NEK11: variants seen among roughly 807,000 people sequenced by gnomAD.
The protein encoded by NEK11 is NIMA related kinase 11.
NEK11 carries 72 observed loss-of-function variants against 80.7 expected under a neutral mutation model. The observed-to-expected ratio is 0.89, with a 90% CI of 0.74 to 1.08. NEK11 has a LOEUF of 1.08. Among genes scored for constraint, NEK11 ranks in the 50% least tolerant of loss-of-function variants. The probability of loss-of-function intolerance (pLI) is 0.00; values close to 1 mark genes in which losing one functional copy is unlikely to be tolerated. For missense variants in NEK11, 764 were observed against 763.6 expected, an observed-to-expected ratio of 1.00 and a Z score of -0.01; for synonymous variants, 251 against 260.7, an observed-to-expected ratio of 0.96 and a Z score of 0.36.
At chr3:131,348,527 T>C (rs2110580104) in intron 17 of NEK11, among the ~76,000 whole-genome samples, 1 of 151,658 alleles carries the variant, frequency 6.6e-6, no homozygotes, top group South Asian at 2.1e-4. Context: ...CATAAAGACA[T>C]TCACATTAAA....
At chr3:131,296,932 A>G (rs1406906492) in intron 17 of NEK11, among the ~76,000 whole-genome samples, 1 of 151,040 alleles carries the variant, frequency 6.6e-6, no homozygotes, top group East Asian at 1.9e-4. Context: ...TGTTCTTGCG[A>G]TAGTTTACTG....
intron 12 of NEK11, among the ~76,000 whole-genome samples, chr3:131,165,742 C>T (rs1183982268): frequency 2.0e-5 from 3 of 152,150 alleles, no homozygotes; most frequent in Non-Finnish European, 2.9e-5. Flanking sequence ...AAAAATCAAG[C>T]TCCTACTCTG....
At chr3:131,243,649 G>A (rs1396402128) in intron 16 of NEK11, among the ~76,000 whole-genome samples, 153 bp downstream of exon 16, 1 of 152,030 alleles carries the variant, frequency 6.6e-6, no homozygotes, top group African/African-American at 2.4e-5. Flanking sequence ...TGACCCAAAA[G>A]CCAGGAAACT....
intron 14 of NEK11, among the ~76,000 whole-genome samples, chr3:131,184,197 A>G (rs1579768604): frequency 6.6e-6 from 1 of 152,234 alleles, no homozygotes; most frequent in African/African-American, 2.4e-5. Context: ...AAGTACTCAC[A>G]GTATAGGAAT....
chr3:131,183,413 C>T (rs951342458), intron 14 of NEK11, among the ~76,000 whole-genome samples: 1 of 152,168 alleles, frequency 6.6e-6, no homozygotes, highest in African/African-American at 2.4e-5. Flanking sequence ...TATGCATTAG[C>T]TATTTATCCT....
intron 14 of NEK11, among the ~76,000 whole-genome samples, chr3:131,186,533 GAT>G (rs1180596364): frequency 1.3e-5 from 2 of 152,226 alleles, no homozygotes; most frequent in Non-Finnish European, 2.9e-5. Flanking sequence ...GTGCATCAGG[GAT>G]ACCACTGTTA....
chr3:131,325,626 T>A (rs954473079), intron 17 of NEK11: 5 of 152,216 alleles, frequency 3.3e-5, no homozygotes, highest in Non-Finnish European at 7.3e-5. Context: ...AAAAAGAGAT[T>A]GCATACATTT....
At chr3:131,104,384 C>G (rs1056235857) in intron 4 of NEK11, among the ~76,000 whole-genome samples, 4 of 152,128 alleles carry the variant, frequency 2.6e-5, no homozygotes, top group African/African-American at 9.7e-5. Flanking sequence ...GGAAAACAGT[C>G]TGGCTGCCTT....
chr3:131,168,787 T>G, intron 12 of NEK11, 43 bp from the exon 13 acceptor site: 1 of 1,476,432 alleles, frequency 6.8e-7, no homozygotes, highest in African/African-American at 1.4e-5. Flanking sequence ...GAAGAAAGAC[T>G]TGGAAAACCA....
At chr3:131,177,652 G>A (rs963980495) in intron 14 of NEK11, among the ~76,000 whole-genome samples, 2 of 152,156 alleles carry the variant, frequency 1.3e-5, no homozygotes, top group African/African-American at 4.8e-5. Context: ...CATATCCTAT[G>A]CTGCCTTACA....
intron 16 of NEK11, among the ~76,000 whole-genome samples, chr3:131,266,893 T>A (rs113644221): frequency 0.012 from 1,878 of 152,342 alleles, 29 homozygotes; most frequent in African/African-American, 0.043. Context: ...TGCTTATACA[T>A]TTAGGATAGT....
intron 14 of NEK11, among the ~76,000 whole-genome samples, chr3:131,190,476 A>G (rs2150270517): frequency 6.6e-6 from 1 of 152,252 alleles, no homozygotes; most frequent in East Asian, 1.9e-4. Context: ...AAAAGAGTGT[A>G]GCTTCTTCCC....
intron 3 of NEK11, among the ~76,000 whole-genome samples, chr3:131,031,291 T>A (rs1312011959): frequency 6.6e-6 from 1 of 152,240 alleles, no homozygotes; most frequent in African/African-American, 2.4e-5. Context: ...CCTTAGAACA[T>A]GCATTATGAT....
intron 15 of NEK11, among the ~76,000 whole-genome samples, chr3:131,242,610 G>T (rs1269454067): frequency 1.3e-5 from 2 of 152,130 alleles, no homozygotes; most frequent in Non-Finnish European, 2.9e-5. Flanking sequence ...TCAAGTCGGG[G>T]TTTGACCATG....
intron 5 of NEK11, among the ~76,000 whole-genome samples, chr3:131,125,249 CTT>C (rs1460926649): frequency 6.6e-6 from 1 of 152,122 alleles, no homozygotes; most frequent in Non-Finnish European, 1.5e-5. Context: ...TTATGAGTGA[CTT>C]TTCTTTAAAA....
At chr3:131,274,632 CT>C (rs756861338) in intron 17 of NEK11, among the ~76,000 whole-genome samples, 203 of 45,304 alleles carry the variant, frequency 4.5e-3, no homozygotes, top group African/African-American at 9.9e-3. Context: ...TGTTTCCTGA[CT>C]TTTTTTTTTT....
chr3:131,212,799 T>G (rs562397475), intron 14 of NEK11, among the ~76,000 whole-genome samples: 57 of 152,344 alleles, frequency 3.7e-4, no homozygotes, highest in African/African-American at 1.3e-3. Flanking sequence ...TTAGATCCTG[T>G]GATAGTTAAT....
chr3:131,318,808 A>G (rs964650589), intron 17 of NEK11, among the ~76,000 whole-genome samples: 2 of 151,222 alleles, frequency 1.3e-5, no homozygotes, highest in Non-Finnish European at 2.9e-5. Context: ...GGCATATTCT[A>G]TAGCCATTAC....
At chr3:131,168,101 T>C (rs2092390723) in intron 12 of NEK11, among the ~76,000 whole-genome samples, 1 of 152,240 alleles carries the variant, frequency 6.6e-6, no homozygotes, top group Non-Finnish European at 1.5e-5. Flanking sequence ...TGCCCTCTTT[T>C]GTGCAGTCAC....
Sources: allele counts gnomAD v4.1 joint callset (sites outside exome capture counted in the v4.1 genomes callset), GRCh38; gene constraint gnomAD v4.1.1; transcripts MANE v1.5; gene names NCBI Gene and HGNC (gene_info 2026-07-23, HGNC 2026-07-21).